XKR4: variants seen among roughly 807,000 people sequenced by gnomAD.
XKR4 encodes the protein XK-related protein 4.
A neutral mutation model predicts 53.9 loss-of-function variants in XKR4; 12 were observed. The ratio of observed to expected loss-of-function variants is 0.22; its 90% CI spans 0.14 to 0.36. The LOEUF is 0.36. Ranked by LOEUF, XKR4 falls within the 10% of genes least tolerant of loss-of-function variation. XKR4 has a pLI of 1.00. For missense variants in XKR4, 799 were observed against 859.5 expected (o/e 0.93, Z 0.88); for synonymous variants, 354 against 362.4 (o/e 0.98, Z 0.26).
chr8:55,390,772 G>A (rs1440060920), intron 2 of XKR4, among the ~76,000 whole-genome samples: 1 of 152,142 alleles, frequency 6.6e-6, no homozygotes, highest in African/African-American at 2.4e-5. Context: ...CTGGGCAGTG[G>A]CCTTGACAAT....
chr8:55,231,875 G>A (rs1003730190), intron 1 of XKR4, among the ~76,000 whole-genome samples: 5 of 152,198 alleles, frequency 3.3e-5, no homozygotes, highest in African/African-American at 1.2e-4. Flanking sequence ...CTGTGTACAT[G>A]AAGAGCAGAG....
intron 1 of XKR4, among the ~76,000 whole-genome samples, chr8:55,254,845 G>A (rs1818415246): frequency 6.6e-6 from 1 of 152,094 alleles, no homozygotes; most frequent in African/African-American, 2.4e-5. Context: ...GACTACCAAA[G>A]ACTCCTCTTT....
rs543416881 is a variant in XKR4 at position 55,186,849 on chromosome 8, T to C, written c.806+83555T>C. 9.8e-5 allele frequency among the ~76,000 whole-genome samples: 15 copies of C among 152,310 alleles called. No homozygotes were observed. The South Asian group carries it at 2.9e-3, about 29-fold the overall frequency. ...GTAATAATAGTAATGAAATAAAAGA[T>C]TGTTATATTTGTAATCAGTAATTAT... On this transcript the variant is annotated intron_variant, in intron 1 of 2. Coordinates refer to ENST00000327381, the MANE Select transcript of XKR4 (RefSeq NM_052898.2).
At chr8:55,118,340 C>CA (rs1193840411) in intron 1 of XKR4, among the ~76,000 whole-genome samples, 1 of 152,170 alleles carries the variant, frequency 6.6e-6, no homozygotes, top group Non-Finnish European at 1.5e-5. Context: ...TGTATGTAGT[C>CA]ATGCTTTGCA....
intron 2 of XKR4, among the ~76,000 whole-genome samples, chr8:55,471,657 G>A (rs759542054): frequency 2.0e-5 from 3 of 152,180 alleles, no homozygotes; most frequent in Non-Finnish European, 4.4e-5. Flanking sequence ...GCTGAAATGT[G>A]ATGCCCAGTG....
intron 2 of XKR4, among the ~76,000 whole-genome samples, chr8:55,433,780 C>G (rs1441601535): frequency 6.6e-6 from 1 of 152,164 alleles, no homozygotes; most frequent in Non-Finnish European, 1.5e-5. Context: ...AATCCCAGCA[C>G]TTAGAGAAGC....
intron 1 of XKR4, among the ~76,000 whole-genome samples, chr8:55,136,807 A>G (rs538910095): frequency 6.6e-6 from 1 of 152,372 alleles, no homozygotes; most frequent in African/African-American, 2.4e-5. Flanking sequence ...AAACAACTTT[A>G]GCTCTTAAAA....
intron 2 of XKR4, among the ~76,000 whole-genome samples, chr8:55,466,247 T>A (rs138084736): frequency 0.03 from 4,515 of 152,194 alleles, 98 homozygotes; most frequent in African/African-American, 0.054. Flanking sequence ...CAAATGTCCA[T>A]CAATGATAGA....
chr8:55,299,808 A>G (rs768084992), intron 1 of XKR4, among the ~76,000 whole-genome samples: 11 of 152,090 alleles, frequency 7.2e-5, no homozygotes, highest in Non-Finnish European at 1.2e-4. Context: ...TCTGAGTCAG[A>G]AGAGGCTGAA....
At chr8:55,104,827 A>G (rs1585880122) in intron 1 of XKR4, among the ~76,000 whole-genome samples, 1 of 152,234 alleles carries the variant, frequency 6.6e-6, no homozygotes, top group African/African-American at 2.4e-5. Flanking sequence ...ATGGATGACT[A>G]TTGGGAAGAC....
intron 1 of XKR4, among the ~76,000 whole-genome samples, chr8:55,292,029 C>T (rs1563317162): frequency 6.6e-6 from 1 of 152,022 alleles, no homozygotes; most frequent in African/African-American, 2.4e-5. Context: ...GACATAAACC[C>T]CATTTGTTAT....
At chr8:55,309,862 A>T (rs1277937885) in intron 1 of XKR4, among the ~76,000 whole-genome samples, 1 of 152,206 alleles carries the variant, frequency 6.6e-6, no homozygotes, top group Non-Finnish European at 1.5e-5. Context: ...AAGCTATCTA[A>T]TTCGCTTGGT....
chr8:55,371,079 G>C (rs182191140), intron 2 of XKR4, among the ~76,000 whole-genome samples: 1 of 150,018 alleles, frequency 6.7e-6, no homozygotes, highest in Non-Finnish European at 1.5e-5. Flanking sequence ...GAGCAATCTC[G>C]TATGCAAAAT....
intron 1 of XKR4, among the ~76,000 whole-genome samples, chr8:55,304,715 C>A (rs1272079302): frequency 6.6e-6 from 1 of 152,112 alleles, no homozygotes; most frequent in Non-Finnish European, 1.5e-5. Flanking sequence ...GGATAGATAG[C>A]TCTTCTTGTT....
intron 1 of XKR4, among the ~76,000 whole-genome samples, chr8:55,123,228 T>C (rs1816416506): frequency 6.6e-6 from 1 of 152,202 alleles, no homozygotes; most frequent in Non-Finnish European, 1.5e-5. Context: ...TAATACATAT[T>C]TATTGATTGA....
rs1388181360 is a variant in XKR4 at position 55,530,823 on chromosome 8, A to G, written c.*6596A>G. The G allele has an allele frequency of 6.6e-6, 1 of 152,204 alleles. No homozygotes were observed. Among genetic ancestry groups the G allele is most frequent in the African/African-American group, 2.4e-5 (1 of 41,446 alleles). The allele number at this position is 152,204 out of a possible 1,614,324, so 9.4% of individuals were successfully genotyped here. A position where few individuals can be genotyped will look rare whatever the true frequency, so the allele number is the denominator to read the frequency against. ...GATGAGACAACTGAGATCCAAAAAG[A>G]ACAGGTAATTTTTGTGATCAGGATT... is the stretch of plus-strand genomic sequence containing the variant. On this transcript the variant is annotated 3_prime_UTR_variant, in exon 3 of 3. Transcript: ENST00000327381.
chr8:55,418,587 T>C (rs1804882820), intron 2 of XKR4, among the ~76,000 whole-genome samples: 1 of 152,184 alleles, frequency 6.6e-6, no homozygotes, highest in Non-Finnish European at 1.5e-5. Context: ...TCTTCTGCCC[T>C]GTCCCCTCAG....
intron 2 of XKR4, among the ~76,000 whole-genome samples, chr8:55,425,422 C>T (rs1241072218): frequency 6.6e-6 from 1 of 152,122 alleles, no homozygotes; most frequent in Non-Finnish European, 1.5e-5. Flanking sequence ...TAGCCTCTCT[C>T]ATCATCTCGA....
At chr8:55,141,102 C>T (rs1816696390) in intron 1 of XKR4, among the ~76,000 whole-genome samples, 1 of 152,184 alleles carries the variant, frequency 6.6e-6, no homozygotes, top group African/African-American at 2.4e-5. Context: ...ACTCTGTACC[C>T]ATTAGCAATC....
Sources: gnomAD v4.1 joint callset for allele counts (sites outside exome capture counted in the v4.1 genomes callset) on GRCh38, gnomAD v4.1.1 for gene constraint, MANE v1.5 for transcripts, NCBI Gene and HGNC (gene_info 2026-07-23, HGNC 2026-07-21) for gene names.